Variants in INTS5 observed in about 807,000 individuals in gnomAD.
INTS5 encodes the protein KIAA1698.
INTS5 carries 29 observed loss-of-function variants against 60.0 expected under a neutral mutation model. The observed-to-expected ratio is 0.48, with a 90% confidence interval of 0.36 to 0.66. The LOEUF (loss-of-function observed/expected upper bound fraction) is 0.66, where lower values mean the gene tolerates loss of function less well. Ranked by LOEUF, INTS5 falls within the 30% of genes least tolerant of loss-of-function variation. INTS5 has a pLI of 0.00. For synonymous variants in INTS5, 588 were observed against 558.8 expected (o/e 1.05, Z -0.74); for missense variants, 1,129 against 1,307.9 (o/e 0.86, Z 2.11).
Position 62,646,911 on chromosome 11 carries a change from C to G in INTS5, c.*109G>C. The G allele has an allele frequency of 1.0e-6, 1 of 987,862 alleles. No individual in the cohort carries two copies. Among genetic ancestry groups the G allele is most frequent in the Non-Finnish European group, 1.5e-6 (1 of 665,734 alleles). The allele number at this position is 987,862 out of a possible 1,614,324, so 61.2% of individuals were successfully genotyped here. A position where few individuals can be genotyped will look rare whatever the true frequency, so the allele number is the denominator to read the frequency against. On this transcript the variant is annotated 3_prime_UTR_variant, in exon 2 of 2. Coordinates refer to ENST00000330574, the MANE Select transcript of INTS5 (RefSeq NM_030628.2). ...AAAGTGGGAGAGAAAAAAGTGACAG[C>G]GCTCTTTAGACCAAGGACTTAGAAG...
rs1565119036 is a variant in INTS5 at position 62,648,056 on chromosome 11, G to C, written c.2024C>G (p.Thr675Ser). Residue 675 changes from threonine to serine, a missense_variant, in exon 2 of 2, where the codon ACC (threonine) becomes AGC (serine). Thr to Ser is a moderately conservative substitution (Grantham distance 58). Transcript: ENST00000330574. The surrounding 1 kb of genome is among the most constrained non-coding windows in gnomAD (Gnocchi z 4.4). The stretch of plus-strand genomic sequence containing the variant: ...AGCTGGGGATGTCTGAGACAGGCGG[G>C]TGAGAAGCTGACAGGCTGAGGCCAC... ...PGVASACQLL[T>S]RLSQTSPAGL... 1.2e-6 allele frequency: 2 copies of C among 1,614,182 alleles called. No homozygotes were observed. The highest frequency in any genetic ancestry group is 1.7e-6 in the Non-Finnish European group (2 of 1,180,014).
rs1944530264 is a variant in INTS5 at position 62,647,339 on chromosome 11, A to G, written c.2741T>C (p.Met914Thr). 1 of 1,613,942 alleles carries G rather than the reference A, an allele frequency of 6.2e-7. No individual in the cohort carries two copies. Among genetic ancestry groups the G allele is most frequent in the Non-Finnish European group, 8.5e-7 (1 of 1,180,016 alleles). Residue 914 changes from methionine to threonine, a missense_variant, in exon 2 of 2, where the codon ATG becomes ACG. By Grantham distance (81) the Met-to-Thr change is moderately conservative. Transcript: ENST00000330574. The part of the protein sequence containing the change: ...LEASCTLVAV[M>T]AEGSLLPPAL... Reference sequence around the variant, plus strand: ...CGGAGGCAGGAGGCTTCCCTCAGCCATGACAGCCACTAAGGTGCAGGATGC... The same window carrying G: ...CGGAGGCAGGAGGCTTCCCTCAGCCGTGACAGCCACTAAGGTGCAGGATGC...
rs892254577 is a variant in INTS5 at position 62,647,692 on chromosome 11, C to T, written c.2388G>A (p.Gly796=). The stretch of plus-strand genomic sequence containing the variant: ...TCAAGATGGGTGCCCCCCAGCATTC[C>T]CCACATTCAGTGCCCCCTGGGGCAC... ...CCSAPGGTEC[G]ECWGAPILSP... is the part of the protein sequence containing the mutation. The change falls in exon 2 of 2, where the codon GGG becomes GGA. Residue 796 remains glycine (G), a synonymous_variant. Coordinates refer to ENST00000330574, the MANE Select transcript of INTS5 (RefSeq NM_030628.2). The T allele has an allele frequency of 1.9e-6, 3 of 1,614,030 alleles. No homozygotes were observed. In the African/African-American group the frequency reaches 4.0e-5, roughly 22 times the overall value.
At position 62,647,884 on chromosome 11, in the gene INTS5, G is replaced by A; in HGVS notation, c.2196C>T (p.Asn732=). Residue 732 remains asparagine (N), a synonymous_variant, in exon 2 of 2, where the codon AAC becomes AAT. Coordinates refer to ENST00000330574, the MANE Select transcript of INTS5 (RefSeq NM_030628.2). ...SLASASLLDT[N]RRHTAAVPGP... is the part of the protein sequence containing the mutation. ...CTGGCACAGCTGCAGTGTGCCTCCGGTTAGTGTCCAACAGGGAGGCAGAAG... is the reference window on the plus strand; with the variant it reads ...CTGGCACAGCTGCAGTGTGCCTCCGATTAGTGTCCAACAGGGAGGCAGAAG... 1 of 1,614,184 alleles carries A rather than the reference G, an allele frequency of 6.2e-7. No individual in the cohort carries two copies. The highest frequency in any genetic ancestry group is 8.5e-7 in the Non-Finnish European group (1 of 1,180,012).
At position 62,649,639 on chromosome 11, in the gene INTS5, C is replaced by T; in HGVS notation, c.441G>A (p.Trp147Ter). ...PKAWAPVISA[W>*]SIDLMGQLSS... Reference sequence around the variant, plus strand: ...TCAGTTGCCCCATGAGGTCAATGGACCATGCACTAATCACAGGTGCCCAGG... The same window carrying T: ...TCAGTTGCCCCATGAGGTCAATGGATCATGCACTAATCACAGGTGCCCAGG... The change falls in exon 2 of 2, where the codon TGG becomes TGA. Residue 147 changes from tryptophan (W) to a stop codon, truncating the protein, a stop_gained. Coordinates refer to ENST00000330574, the MANE Select transcript of INTS5 (RefSeq NM_030628.2). LOFTEE classifies it high-confidence loss of function. This position sits in a 1 kb window ranked among gnomAD's most constrained non-coding sequence, Gnocchi z 6.0. 6.2e-7 allele frequency: 1 copy of T among 1,614,164 alleles called. No homozygotes were observed. Among genetic ancestry groups the T allele is most frequent in the Non-Finnish European group, 8.5e-7 (1 of 1,180,026 alleles).
At position 62,648,157 on chromosome 11, in the gene INTS5, G is replaced by A; in HGVS notation, c.1923C>T (p.Pro641=). Reference sequence around the variant, plus strand: ...CCCTTACCAGTCCCAGGAGCTGGGAGGGGGATAAGGCTTCAGAAGGAAAGG... The same window carrying A: ...CCCTTACCAGTCCCAGGAGCTGGGAAGGGGATAAGGCTTCAGAAGGAAAGG... ...ICPFPSEALS[P]SQLLGLVRAG... is the part of the protein sequence containing the mutation. Residue 641 remains proline (P), a synonymous_variant, in exon 2 of 2, where the codon CCC becomes CCT. Coordinates refer to ENST00000330574, the MANE Select transcript of INTS5 (RefSeq NM_030628.2). This position sits in a 1 kb window ranked among gnomAD's most constrained non-coding sequence, Gnocchi z 4.4. The A allele has an allele frequency of 1.9e-6, 3 of 1,613,386 alleles. No individual in the cohort carries two copies. The highest frequency in any genetic ancestry group is 1.3e-5 in the African/African-American group (1 of 75,052).
In INTS5 at chr11:62,648,172, A is replaced by C; in HGVS notation, c.1908T>G (p.Ser636=). 1 of 1,613,372 alleles carries C rather than the reference A, an allele frequency of 6.2e-7. No individual in the cohort carries two copies. Among genetic ancestry groups the C allele is most frequent in the Non-Finnish European group, 8.5e-7 (1 of 1,179,562 alleles). The change falls in exon 2 of 2, where the codon TCT becomes TCG. Residue 636 remains serine (S), a synonymous_variant. Transcript: ENST00000330574. This position sits in a 1 kb window ranked among gnomAD's most constrained non-coding sequence, Gnocchi z 4.4. The part of the protein sequence containing the change: ...ASLLAICPFP[S]EALSPSQLLG... Reference sequence around the variant, plus strand: ...GGAGCTGGGAGGGGGATAAGGCTTCAGAAGGAAAGGGACAAATGGCCAGGA... The same window carrying C: ...GGAGCTGGGAGGGGGATAAGGCTTCCGAAGGAAAGGGACAAATGGCCAGGA...
At position 62,649,999 on chromosome 11, in the gene INTS5, A is replaced by G; in HGVS notation, c.81T>C (p.Ser27=). 1.2e-6 allele frequency: 2 copies of G among 1,609,744 alleles called. No homozygotes were observed. Among genetic ancestry groups the G allele is most frequent in the Non-Finnish European group, 1.7e-6 (2 of 1,176,552 alleles). Residue 27 remains serine, a splice_region_variant and synonymous_variant, in exon 2 of 2, where the codon AGT becomes AGC. Transcript: ENST00000330574. The surrounding 1 kb of genome is among the most constrained non-coding windows in gnomAD (Gnocchi z 6.0). ...TGATTTCCTGGGACAGCTCCTGAGC[A>G]CTACAAGGAAGCAAAAGAAACAGAC... ...APATHGPAPL[S]AQELSQEIKA... is the part of the protein sequence containing the mutation.
chr11:62,649,309 T>C lies in INTS5; in HGVS notation c.771A>G (p.Gly257=). 1 of 1,613,934 alleles carries C rather than the reference T, an allele frequency of 6.2e-7. No individual in the cohort carries two copies. The highest frequency in any genetic ancestry group is 8.5e-7 in the Non-Finnish European group (1 of 1,179,964). Residue 257 remains glycine, a synonymous_variant, in exon 2 of 2, where the codon GGA becomes GGG. Coordinates refer to ENST00000330574, the MANE Select transcript of INTS5 (RefSeq NM_030628.2). This position sits in a 1 kb window ranked among gnomAD's most constrained non-coding sequence, Gnocchi z 6.0. ...LKDFCVHGGA[G]GGAGSSGGSS... is the part of the protein sequence containing the mutation. ...TTCCACCACTACTGCCAGCTCCACC[T>C]CCAGCCCCACCATGGACACAAAAGT...
chr11:62,649,337 T>G lies in INTS5; in HGVS notation c.743A>C (p.Lys248Thr). ...AGCCCCACCATGGACACAAAAGTCC[T>G]TAAGGCCACAGGAGAGAACCCGGGA... ...IISRVLSCGL[K>T]DFCVHGGAGG... is the part of the protein sequence containing the mutation. The change falls in exon 2 of 2, where the codon AAG becomes ACG. Residue 248 changes from lysine to threonine, a missense_variant. Physicochemically the swap from Lys to Thr is moderately conservative, Grantham distance 78. Around this residue, in one of 3 missense-constraint regions of INTS5, gnomAD observed 1,070 missense variants for 1,246.1 expected, o/e 0.86. Coordinates refer to ENST00000330574, the MANE Select transcript of INTS5 (RefSeq NM_030628.2). The surrounding 1 kb of genome is among the most constrained non-coding windows in gnomAD (Gnocchi z 6.0). The G allele has an allele frequency of 6.2e-7, 1 of 1,614,086 alleles. No homozygotes were observed.
chr11:62,651,270 C>G (rs1207475085), intron 1 of INTS5, among the ~76,000 whole-genome samples: 1 of 152,052 alleles, frequency 6.6e-6, no homozygotes, highest in Non-Finnish European at 1.5e-5. Flanking sequence ...GCCACCACGC[C>G]CGGCTAATAT....
In INTS5 at chr11:62,648,344, G is replaced by A; in HGVS notation, c.1736C>T (p.Ala579Val). The change falls in exon 2 of 2, where the codon GCA becomes GTA. Residue 579 changes from alanine (A) to valine (V), a missense_variant. By Grantham distance (64) the Ala-to-Val change is moderately conservative (BLOSUM62 0). This residue lies in a region of INTS5 where 1,070 missense variants were observed against 1,246.1 expected (regional missense o/e 0.86). Coordinates refer to ENST00000330574, the MANE Select transcript of INTS5 (RefSeq NM_030628.2). This position sits in a 1 kb window ranked among gnomAD's most constrained non-coding sequence, Gnocchi z 4.4. ...PFTARFLRNL[A>V]LLVGWEQQGG... ...CTGCTGTTCCCACCCTACTAGCAGT[G>A]CCAAGTTGCGCAGGAACCGGGCCGT... 6.2e-7 allele frequency: 1 copy of A among 1,613,976 alleles called. No homozygotes were observed. Among genetic ancestry groups the A allele is most frequent in the Non-Finnish European group, 8.5e-7 (1 of 1,180,004 alleles).
At position 62,647,340 on chromosome 11, in the gene INTS5, T is replaced by C; in HGVS notation, c.2740A>G (p.Met914Val). 2 of 1,613,906 alleles carry C rather than the reference T, an allele frequency of 1.2e-6. No individual in the cohort carries two copies. Among genetic ancestry groups the C allele is most frequent in the Non-Finnish European group, 8.5e-7 (1 of 1,180,004 alleles). ...LEASCTLVAV[M>V]AEGSLLPPAL... ...GGAGGCAGGAGGCTTCCCTCAGCCA[T>C]GACAGCCACTAAGGTGCAGGATGCC... The change falls in exon 2 of 2, where the codon ATG (methionine) becomes GTG (valine). Residue 914 changes from methionine (M) to valine (V), a missense_variant. Physicochemically the swap from Met to Val is conservative, Grantham distance 21 (BLOSUM62 1). Transcript: ENST00000330574.
In INTS5 at chr11:62,646,877, AG is replaced by A. The variant is rs1174426026; in HGVS notation, c.*142del. On this transcript the variant is annotated 3_prime_UTR_variant, in exon 2 of 2. Transcript: ENST00000330574. The stretch of plus-strand genomic sequence containing the variant: ...TTTCTCAAGTTGGCAAATTTTATTT[AG>A]AAAAAAAAAAGTGGGAGAGAAAAAA... The A allele has an allele frequency of 8.6e-6, 7 of 813,762 alleles. No homozygotes were observed. The East Asian group carries it at 1.6e-4, about 19-fold the overall frequency. 50.4% of individuals were successfully genotyped at this position (813,762 alleles called of 1,614,324 possible).
rs767551565 is a variant in INTS5 at position 62,648,368 on chromosome 11, G to A, written c.1712C>T (p.Thr571Met). The part of the protein sequence containing the change: ...VHAGTLQPPF[T>M]ARFLRNLALL... ...TGCCAAGTTGCGCAGGAACCGGGCCGTGAAGGGAGGCTGTAATGTCCCTGC... is the reference window on the plus strand; with the variant it reads ...TGCCAAGTTGCGCAGGAACCGGGCCATGAAGGGAGGCTGTAATGTCCCTGC... The change falls in exon 2 of 2, where the codon ACG becomes ATG. Residue 571 changes from threonine (T) to methionine (M), a missense_variant. By Grantham distance (81) the Thr-to-Met change is moderately conservative (BLOSUM62 -1). This residue lies in a region of INTS5 where 1,070 missense variants were observed against 1,246.1 expected (regional missense o/e 0.86). Transcript: ENST00000330574. This position sits in a 1 kb window ranked among gnomAD's most constrained non-coding sequence, Gnocchi z 4.4. The A allele has an allele frequency of 6.8e-6, 11 of 1,613,954 alleles. No individual in the cohort carries two copies. Among genetic ancestry groups the A allele is most frequent in the African/African-American group, 4.0e-5 (3 of 74,936 alleles).
rs747074993 is a variant in INTS5 at position 62,647,093 on chromosome 11, A to G, written c.2987T>C (p.Ile996Thr). 15 of 1,613,978 alleles carry G rather than the reference A, an allele frequency of 9.3e-6. No homozygotes were observed. The highest frequency in any genetic ancestry group is 8.5e-7 in the Non-Finnish European group (1 of 1,180,016). The change falls in exon 2 of 2, where the codon ATC becomes ACC. Residue 996 changes from isoleucine (I) to threonine (T), a missense_variant. Ile to Thr is a moderately conservative substitution (Grantham distance 89). Coordinates refer to ENST00000330574, the MANE Select transcript of INTS5 (RefSeq NM_030628.2). ...AVLHSVLHRN[I>T]DRLGLFSGRF... ...GCCAGAGAAAAGACCTAGGCGGTCGATGTTGCGGTGGAGGACACTGTGCAG... is the reference window on the plus strand; with the variant it reads ...GCCAGAGAAAAGACCTAGGCGGTCGGTGTTGCGGTGGAGGACACTGTGCAG...
In INTS5 at chr11:62,647,041, A is replaced by G; in HGVS notation, c.3039T>C (p.Thr1013=). ...SGRFQAPSPS[T]LLRQGT ...AAGGCTACGTCCCCTGTCGAAGGAG[A>G]GTGGACGGTGAAGGTGCCTGGAAAC... is the stretch of plus-strand genomic sequence containing the variant. Residue 1013 remains threonine (T), a synonymous_variant, in exon 2 of 2, where the codon ACT becomes ACC. Transcript: ENST00000330574. 1 of 1,612,610 alleles carries G rather than the reference A, an allele frequency of 6.2e-7. No individual in the cohort carries two copies. Among genetic ancestry groups the G allele is most frequent in the African/African-American group, 1.3e-5 (1 of 74,978 alleles).
In INTS5 at chr11:62,648,380, T is replaced by C. The variant is rs369341011; in HGVS notation, c.1700A>G (p.Gln567Arg). 2.1e-4 allele frequency: 335 copies of C among 1,614,032 alleles called. 2 individuals are homozygous for C. Among genetic ancestry groups the C allele is most frequent in the Admixed American group, 2.8e-4 (17 of 60,002 alleles). The change falls in exon 2 of 2, where the codon CAG (glutamine) becomes CGG (arginine). Residue 567 changes from glutamine to arginine, a missense_variant. Coordinates refer to ENST00000330574, the MANE Select transcript of INTS5 (RefSeq NM_030628.2). This position sits in a 1 kb window ranked among gnomAD's most constrained non-coding sequence, Gnocchi z 4.4. ...CAGGAACCGGGCCGTGAAGGGAGGC[T>C]GTAATGTCCCTGCATGCACCCGAGC... ...CLARVHAGTLQPPFTARFLRN... is the reference protein window; with the variant it reads ...CLARVHAGTLRPPFTARFLRN...
At position 62,649,056 on chromosome 11, in the gene INTS5, G is replaced by A; in HGVS notation, c.1024C>T (p.Leu342=). ...PSLQATVPFL[L]QLAVMSPALL... ...GCTGGTGACATGACTGCCAGCTGCA[G>A]TAGGAACGGAACCGTGGCCTGAAGG... Residue 342 remains leucine (L), a synonymous_variant, in exon 2 of 2, where the codon CTG becomes TTG. Transcript: ENST00000330574. The surrounding 1 kb of genome is among the most constrained non-coding windows in gnomAD (Gnocchi z 6.0). 1.2e-6 allele frequency: 2 copies of A among 1,612,144 alleles called. No homozygotes were observed. Among genetic ancestry groups the A allele is most frequent in the Non-Finnish European group, 1.7e-6 (2 of 1,178,746 alleles).
Sources: gnomAD v4.1 joint callset for allele counts (sites outside exome capture counted in the v4.1 genomes callset) on GRCh38, gnomAD v4.1.1 for gene constraint, gnomAD v4.1.1 regional missense constraint, Gnocchi (gnomAD v3.1) non-coding constraint, MANE v1.5 for transcripts, NCBI Gene and HGNC (gene_info 2026-07-23, HGNC 2026-07-21) for gene names.